VSNL1: variants seen among roughly 807,000 people sequenced by gnomAD.
The protein encoded by VSNL1 is visinin-like protein 1.
VSNL1 carries 6 observed loss-of-function variants against 20.4 expected under a neutral mutation model. That is an observed-to-expected ratio of 0.29 (90% CI 0.16 to 0.58). The LOEUF is 0.58. VSNL1 is among the 20% of genes least tolerant of loss of function. VSNL1 has a pLI of 0.90. For missense variants in VSNL1, 100 were observed against 234.5 expected (o/e 0.43, Z 3.75); for synonymous variants, 93 against 86.4 (o/e 1.08, Z -0.42).
chr2:17,599,629 T>C (rs1342656184), intron 2 of VSNL1, among the ~76,000 whole-genome samples: 2 of 152,226 alleles, frequency 1.3e-5, no homozygotes, highest in African/African-American at 2.4e-5. Flanking sequence ...CTCTCTTGTC[T>C]TCTTTATTCC....
chr2:17,636,935 C>G (rs1665764335), intron 2 of VSNL1, among the ~76,000 whole-genome samples: 1 of 152,194 alleles, frequency 6.6e-6, no homozygotes, highest in Admixed American at 6.5e-5. Flanking sequence ...AACAAGTACC[C>G]TTAAGCTGTT....
rs111884302 is a variant in VSNL1 at position 17,598,534 on chromosome 2, G to A, written c.162+6298G>A. Among the ~76,000 whole-genome samples the A allele has an allele frequency of 3.4e-3, 524 of 152,322 alleles. 3 individuals carry two copies. Among genetic ancestry groups the A allele is most frequent in the African/African-American group, 0.012 (499 of 41,572 alleles). The stretch of plus-strand genomic sequence containing the variant: ...CTGTATTCTTAGTAAGACCTGCCAG[G>A]TGGTTCTAAAGGACAAAATCTATAA... On this transcript the variant is annotated intron_variant, in intron 2 of 3. Transcript: ENST00000295156.
intron 2 of VSNL1, among the ~76,000 whole-genome samples, chr2:17,611,162 T>C (rs1436505264): frequency 1.3e-5 from 2 of 152,224 alleles, no homozygotes; most frequent in Admixed American, 6.5e-5. Context: ...ATGTTCTCTG[T>C]GTTATCTGTT....
At chr2:17,599,080 C>T (rs970695151) in intron 2 of VSNL1, among the ~76,000 whole-genome samples, 24 of 152,148 alleles carry the variant, frequency 1.6e-4, no homozygotes, top group Admixed American at 7.2e-4. Flanking sequence ...CTGTGTAGGC[C>T]CTGGGTCTGC....
At chr2:17,546,118 ATAAT>A (rs1663400393) in intron 1 of VSNL1, 1 of 152,066 alleles carries the variant, frequency 6.6e-6, no homozygotes, top group South Asian at 2.1e-4. Flanking sequence ...ACCTAATACA[ATAAT>A]TACTGAACTT....
intron 1 of VSNL1, among the ~76,000 whole-genome samples, chr2:17,552,460 A>C (rs1663566611): frequency 6.6e-6 from 1 of 152,102 alleles, no homozygotes; most frequent in Non-Finnish European, 1.5e-5. Flanking sequence ...TTTATTTTTT[A>C]ATTTTTTTAT....
chr2:17,553,263 T>C (rs1663590147), intron 1 of VSNL1, among the ~76,000 whole-genome samples: 1 of 152,226 alleles, frequency 6.6e-6, no homozygotes, highest in Admixed American at 6.5e-5. Flanking sequence ...CTAATGGCTC[T>C]GAATCTTCCC....
At chr2:17,551,815 T>C (rs985211308) in intron 1 of VSNL1, among the ~76,000 whole-genome samples, 4 of 151,210 alleles carry the variant, frequency 2.6e-5, no homozygotes, top group Non-Finnish European at 5.9e-5. Flanking sequence ...TTGAAAGTTA[T>C]CTCTAGGCTA....
At chr2:17,646,072 G>A (rs1665988616) in intron 2 of VSNL1, among the ~76,000 whole-genome samples, 1 of 152,166 alleles carries the variant, frequency 6.6e-6, no homozygotes, top group South Asian at 2.1e-4. Context: ...TTATATGGTG[G>A]TTTGATTAAT....
chr2:17,601,199 T>G (rs991387460), intron 2 of VSNL1, among the ~76,000 whole-genome samples: 1 of 152,198 alleles, frequency 6.6e-6, no homozygotes, highest in African/African-American at 2.4e-5. Flanking sequence ...TAGAAGTCTC[T>G]CAGTCCACTC....
chr2:17,653,886 G>A (rs1250733335), intron 3 of VSNL1, among the ~76,000 whole-genome samples: 4 of 152,086 alleles, frequency 2.6e-5, no homozygotes, highest in Non-Finnish European at 5.9e-5. Flanking sequence ...CCAAAGGCCC[G>A]CTCCCACCCC....
intron 1 of VSNL1, among the ~76,000 whole-genome samples, chr2:17,559,441 A>G (rs1353187872): frequency 6.6e-6 from 1 of 151,604 alleles, no homozygotes; most frequent in Non-Finnish European, 1.5e-5. Context: ...TTTTAAATTC[A>G]TGCCTAAGGT....
At chr2:17,623,694 CA>C (rs1665438988) in intron 2 of VSNL1, among the ~76,000 whole-genome samples, 1 of 134,236 alleles carries the variant, frequency 7.4e-6, no homozygotes, top group Admixed American at 7.4e-5. Flanking sequence ...AAAAAAAAAT[CA>C]GAGCAACCCC....
intron 1 of VSNL1, among the ~76,000 whole-genome samples, chr2:17,557,929 A>C (rs1663726087): frequency 1.3e-5 from 2 of 152,146 alleles, no homozygotes; most frequent in African/African-American, 4.8e-5. Context: ...AGATACGCCC[A>C]AGTGCTCCTA....
chr2:17,592,293 G>A, intron 2 of VSNL1, 57 bp downstream of exon 2: 1 of 1,554,150 alleles, frequency 6.4e-7, no homozygotes. Flanking sequence ...TGGCCTTCAT[G>A]AAATTGTACC....
chr2:17,605,064 G>A (rs1462615690), intron 2 of VSNL1, among the ~76,000 whole-genome samples: 1 of 152,180 alleles, frequency 6.6e-6, no homozygotes, highest in African/African-American at 2.4e-5. Context: ...GTGAGTTTTA[G>A]GGCAATGGCC....
At chr2:17,616,984 T>C (rs1572200656) in intron 2 of VSNL1, among the ~76,000 whole-genome samples, 1 of 152,030 alleles carries the variant, frequency 6.6e-6, no homozygotes. Context: ...CCTTGGGGGG[T>C]TGGCCGTACA....
intron 2 of VSNL1, among the ~76,000 whole-genome samples, chr2:17,639,260 G>A (rs978745384): frequency 7.2e-5 from 11 of 152,140 alleles, no homozygotes; most frequent in African/African-American, 1.7e-4. Context: ...TGGGTTTGAC[G>A]GTAATAAAAG....
At chr2:17,575,679 G>A (rs886639645) in intron 1 of VSNL1, among the ~76,000 whole-genome samples, 28 of 152,014 alleles carry the variant, frequency 1.8e-4, no homozygotes, top group African/African-American at 6.8e-4. Context: ...GGAATTAGAG[G>A]CATGCGCCAC....
Sources: allele counts gnomAD v4.1 joint callset (sites outside exome capture counted in the v4.1 genomes callset), GRCh38; gene constraint gnomAD v4.1.1; transcripts MANE v1.5; gene names NCBI Gene and HGNC (gene_info 2026-07-23, HGNC 2026-07-21).